Variants in POLG observed in about 807,000 individuals in gnomAD.
POLG encodes DNA polymerase subunit gamma-1.
A neutral mutation model predicts 155.4 loss-of-function variants in POLG; 110 were observed. The ratio of observed to expected loss-of-function variants is 0.71; its 90% confidence interval spans 0.61 to 0.83. The LOEUF (loss-of-function observed/expected upper bound fraction) is 0.83, where lower values mean the gene tolerates loss of function less well. Among genes scored for constraint, POLG ranks in the 40% least tolerant of loss-of-function variants. POLG has a pLI of 0.00. For missense variants in POLG, 1,685 were observed against 1,627.5 expected (o/e 1.04, Z -0.61); for synonymous variants, 701 against 631.5 (o/e 1.11, Z -1.65).
intron 7 of POLG, 29 bp downstream of exon 7, chr15:89,327,138 T>TAGATCCTGCCC: frequency 6.2e-7 from 1 of 1,614,232 alleles, no homozygotes; most frequent in Non-Finnish European, 8.5e-7. Context: ...GTCCCCTGCC[T>TAGATCCTGCCC]AGATCCTGCC....
chr15:89,330,369 G>A (rs2055578550), intron 2 of POLG, 93 bp from the exon 3 acceptor site: 1 of 981,748 alleles, frequency 1.0e-6, no homozygotes, highest in Non-Finnish European at 1.6e-6. Context: ...CATGCCAGAT[G>A]GTGCATTGGC....
chr15:89,317,147 G>A (rs780470425), intron 22 of POLG: 2 of 603,290 alleles, frequency 3.3e-6, no homozygotes, highest in African/African-American at 1.9e-5. Flanking sequence ...TGTGGTTGAA[G>A]TAGGGGACAG....
intron 3 of POLG, among the ~76,000 whole-genome samples, chr15:89,329,475 T>G (rs1433426027): frequency 2.0e-5 from 3 of 152,202 alleles, no homozygotes; most frequent in Non-Finnish European, 1.5e-5. Context: ...TCAAAAGCTC[T>G]GTGGCCCTGA....
At position 89,325,217 on chromosome 15, in the gene POLG, AGT is replaced by A. The variant is rs1169454824; in HGVS notation, c.1949+231_1949+232del. 4.7e-4 allele frequency among the ~76,000 whole-genome samples: 33 copies of A among 69,558 alleles called. 9 individuals are homozygous for A. The highest frequency in any genetic ancestry group is 1.3e-3 in the African/African-American group (29 of 21,914). 45.6% of individuals were successfully genotyped at this position (69,558 alleles called of 152,430 possible). A position where few individuals can be genotyped will look rare whatever the true frequency, so the allele number is the denominator to read the frequency against. ...GAGAGAGTGAGTGAGAGAGTGAGTGAGTGAGAGAGTGAGTGAGAGAGTGAGTG... is the reference window on the plus strand; with the variant it reads ...GAGAGAGTGAGTGAGAGAGTGAGTGAGAGAGAGTGAGTGAGAGAGTGAGTG... On this transcript the variant is annotated intron_variant, in intron 10 of 22. Coordinates refer to ENST00000268124, the MANE Select transcript of POLG (RefSeq NM_002693.3).
intron 1 of POLG, 38 bp from the exon 2 acceptor site, chr15:89,333,951 T>C (rs781633697): frequency 3.2e-6 from 2 of 629,970 alleles, no homozygotes; most frequent in Non-Finnish European, 5.5e-6. Context: ...TATTTTACCA[T>C]ATATGTAATA....
intron 21 of POLG, chr15:89,317,906 C>G (rs2055325786): frequency 2.9e-6 from 1 of 350,404 alleles, no homozygotes; most frequent in Non-Finnish European, 5.5e-6. Flanking sequence ...GCAATGGGAA[C>G]AATGTTGAAT....
Position 89,332,953 on chromosome 15 carries a change from A to G in POLG, c.659+143T>C, listed in dbSNP as rs1290320469. 7 of 1,083,090 alleles carry G rather than the reference A, an allele frequency of 6.5e-6. No individual in the cohort carries two copies. The Admixed American group carries it at 1.9e-4, about 30-fold the overall frequency. 67.1% of individuals were successfully genotyped at this position (1,083,090 alleles called of 1,614,324 possible). ...ACCAGAAAGTGAGTCCCACATAAACAGGGGTCTAGTCCTAATTCAACACAT... is the reference window on the plus strand; with the variant it reads ...ACCAGAAAGTGAGTCCCACATAAACGGGGGTCTAGTCCTAATTCAACACAT... On this transcript the variant is annotated intron_variant, in intron 2 of 22. Coordinates refer to ENST00000268124, the MANE Select transcript of POLG (RefSeq NM_002693.3).
In POLG at chr15:89,323,879, T is replaced by C; in HGVS notation, c.2093A>G (p.Glu698Gly). The C allele has an allele frequency of 6.2e-7, 1 of 1,613,842 alleles. No homozygotes were observed. The highest frequency in any genetic ancestry group is 1.7e-5 in the Admixed American group (1 of 60,006). The stretch of plus-strand genomic sequence containing the variant: ...CTCCATCTTGGCCTCAGCCTCCACT[T>C]CTAAGTAATCCAGTTCTTCTACCTG... ...WQTVEELDYLEVEAEAKMENL... is the reference protein window; with the variant it reads ...WQTVEELDYLGVEAEAKMENL... Residue 698 changes from glutamate (E) to glycine (G), a missense_variant, in exon 12 of 23, where the codon GAA becomes GGA. By Grantham distance (98) the Glu-to-Gly change is moderately conservative (BLOSUM62 -2). Transcript: ENST00000268124.
At position 89,326,994 on chromosome 15, in the gene POLG, C is replaced by T; in HGVS notation, c.1503G>A (p.Lys501=). The T allele has an allele frequency of 1.2e-6, 2 of 1,614,250 alleles. No individual in the cohort carries two copies. The highest frequency in any genetic ancestry group is 2.2e-5 in the South Asian group (2 of 91,090). Residue 501 remains lysine (K), a synonymous_variant, in exon 8 of 23, where the codon AAG becomes AAA. Coordinates refer to ENST00000268124, the MANE Select transcript of POLG (RefSeq NM_002693.3). ...CTGTGGCTGGTTCCTTCTTCACCTT[C>T]TTAGCTTTCTTCTGCTTAAATTCTT... The part of the protein sequence containing the change: ...DLQEFKQKKA[K]KVKKEPATAS...
At chr15:89,334,079 G>T in intron 1 of POLG, 166 bp from the exon 2 acceptor site, 1 of 403,718 alleles carries the variant, frequency 2.5e-6, no homozygotes, top group Non-Finnish European at 4.5e-6. Flanking sequence ...ACCCCTCCTG[G>T]GGGAACCGGG....
At position 89,333,079 on chromosome 15, in the gene POLG, A is replaced by G. The variant is rs200090933; in HGVS notation, c.659+17T>C. 9 of 1,510,132 alleles carry G rather than the reference A, an allele frequency of 6.0e-6. No individual in the cohort carries two copies. The East Asian group carries it at 1.4e-4, about 23-fold the overall frequency. 93.5% of individuals were successfully genotyped at this position (1,510,132 alleles called of 1,614,324 possible). A position where few individuals can be genotyped will look rare whatever the true frequency, so the allele number is the denominator to read the frequency against. The stretch of plus-strand genomic sequence containing the variant: ...GCCCCCATGCCTGCTTATGTCCCCA[A>G]CCCTGCCCCTACTTACCAGGCCGAG... On this transcript the variant is annotated intron_variant, in intron 2 of 22. Transcript: ENST00000268124.
chr15:89,325,175 TGAGAGAGTGAGTGAGTGAGA>T lies in POLG; in HGVS notation c.1949+255_1949+274del, dbSNP rs1567189703. On this transcript the variant is annotated intron_variant, in intron 10 of 22. Transcript: ENST00000268124. ...GTGAGTGAGTGAGTGAGTGAGAGAGTGAGAGAGTGAGTGAGTGAGAGAGTGAGTGAGAGAGTGAGTGAGTG... is the reference window on the plus strand; with the variant it reads ...GTGAGTGAGTGAGTGAGTGAGAGAGTGAGTGAGTGAGAGAGTGAGTGAGTG... Among the ~76,000 whole-genome samples, 28 of 49,418 alleles carry T rather than the reference TGAGAGAGTGAGTGAGTGAGA, an allele frequency of 5.7e-4. 1 individual carries two copies. The highest frequency in any genetic ancestry group is 2.6e-3 in the African/African-American group (27 of 10,480). 32.4% of individuals were successfully genotyped at this position (49,418 alleles called of 152,430 possible).
chr15:89,320,959 C>G lies in POLG; in HGVS notation c.2788G>C (p.Asp930His). ...GTAGTGGCTGTCTTACTGTGTAGAT[C>G]AGTGCCCCTGCTCTTCCTGCCCTGC... is the stretch of plus-strand genomic sequence containing the variant. Reference protein sequence around the residue: ...TLQGRKSRGTDLHSKTATTVG... With the variant: ...TLQGRKSRGTHLHSKTATTVG... Residue 930 changes from aspartate to histidine, a missense_variant, in exon 18 of 23, where the codon GAT becomes CAT. Coordinates refer to ENST00000268124, the MANE Select transcript of POLG (RefSeq NM_002693.3). The G allele has an allele frequency of 6.2e-7, 1 of 1,613,506 alleles. No homozygotes were observed. Among genetic ancestry groups the G allele is most frequent in the South Asian group, 1.1e-5 (1 of 91,048 alleles).
intron 2 of POLG, chr15:89,332,510 T>C (rs2055606267): frequency 6.7e-6 from 1 of 149,792 alleles, no homozygotes; most frequent in Admixed American, 6.8e-5. Flanking sequence ...AAATGCCTGC[T>C]TGGAAGGCTG....
rs750915606 is a variant in POLG, at chr15:89,333,227, G to A, written c.528C>T (p.Thr176=). 1.3e-6 allele frequency: 2 copies of A among 1,580,160 alleles called. No individual in the cohort carries two copies. The highest frequency in any genetic ancestry group is 3.5e-5 in the Admixed American group (2 of 57,000). Reference sequence around the variant, plus strand: ...CGGCCTCCCCCTCGGGGCCGTACCGGGTCCAGCCCTCCGCCCAGGCCCAAG... The same window carrying A: ...CGGCCTCCCCCTCGGGGCCGTACCGAGTCCAGCCCTCCGCCCAGGCCCAAG... ...PPAWAWAEGW[T]RYGPEGEAVP... Residue 176 remains threonine (T), a synonymous_variant, in exon 2 of 23, where the codon ACC becomes ACT. Transcript: ENST00000268124.
Position 89,333,768 on chromosome 15 carries a change from AC to A in POLG, c.-15del. On this transcript the variant is annotated 5_prime_UTR_variant, in exon 2 of 23. Coordinates refer to ENST00000268124, the MANE Select transcript of POLG (RefSeq NM_002693.3). ...CAGGCGGCTCATGGTTGGTGCAGGG[AC>A]CCCCACGCTGGGAGTCAGAACACCT... 6.5e-7 allele frequency: 1 copy of A among 1,534,658 alleles called. No homozygotes were observed. Among genetic ancestry groups the A allele is most frequent in the Non-Finnish European group, 8.7e-7 (1 of 1,146,296 alleles).
At chr15:89,321,920 A>T in intron 15 of POLG, 42 bp downstream of exon 15, 1 of 1,609,410 alleles carries the variant, frequency 6.2e-7, no homozygotes, top group Non-Finnish European at 8.5e-7. Flanking sequence ...CTACCACCTC[A>T]CCTCAGTTCT....
rs1359471975 is a variant in POLG at position 89,325,224 on chromosome 15, G to C, written c.1949+226C>G. ...TGAGTGAGAGAGTGAGTGAGTGAGA[G>C]AGTGAGTGAGAGAGTGAGTGAGTGA... is the stretch of plus-strand genomic sequence containing the variant. On this transcript the variant is annotated intron_variant, in intron 10 of 22. Transcript: ENST00000268124. Among the ~76,000 whole-genome samples the C allele has an allele frequency of 3.3e-5, 2 of 59,702 alleles. 1 individual carries two copies. 39.2% of individuals were successfully genotyped at this position (59,702 alleles called of 152,430 possible). A position where few individuals can be genotyped will look rare whatever the true frequency, so the allele number is the denominator to read the frequency against.
At chr15:89,329,949 C>G (rs116968459) in intron 3 of POLG, 132 bp downstream of exon 3, 162 of 787,226 alleles carry the variant, frequency 2.1e-4, no homozygotes, top group Non-Finnish European at 3.3e-4. Flanking sequence ...AGCTGGTCAA[C>G]AGATGCGCCT....
Sources: allele counts gnomAD v4.1 joint callset (sites outside exome capture counted in the v4.1 genomes callset), GRCh38; gene constraint gnomAD v4.1.1; transcripts MANE v1.5; gene names NCBI Gene and HGNC (gene_info 2026-07-23, HGNC 2026-07-21).